TMTC2: variants seen among roughly 807,000 people sequenced by gnomAD.
TMTC2 encodes protein O-mannosyl-transferase TMTC2.
TMTC2 carries 43 observed loss-of-function variants against 82.4 expected under a neutral mutation model. That is an observed-to-expected ratio of 0.52 (90% confidence interval 0.41 to 0.67). The LOEUF (loss-of-function observed/expected upper bound fraction) is 0.67, where lower values mean the gene tolerates loss of function less well. Ranked by LOEUF, TMTC2 falls within the 30% of genes least tolerant of loss-of-function variation. The pLI, the probability that TMTC2 is intolerant of heterozygous loss-of-function variation, is 0.00. For missense variants in TMTC2, 919 were observed against 1,012.4 expected (o/e 0.91, Z 1.25); for synonymous variants, 408 against 381.9 (o/e 1.07, Z -0.80).
At chr12:82,990,031 C>T (rs550770700) in intron 8 of TMTC2, among the ~76,000 whole-genome samples, 47 of 152,154 alleles carry the variant, frequency 3.1e-4, no homozygotes, top group Admixed American at 2.1e-3. Flanking sequence ...GTTTCTTGGC[C>T]TGGTAACAGC....
At chr12:82,691,102 A>G (rs1872555398) in intron 1 of TMTC2, among the ~76,000 whole-genome samples, 1 of 152,196 alleles carries the variant, frequency 6.6e-6, no homozygotes, top group African/African-American at 2.4e-5. Flanking sequence ...TGCCCTTTTT[A>G]TACATCGACA....
At chr12:83,060,741 G>T (rs144045868) in intron 10 of TMTC2, among the ~76,000 whole-genome samples, 317 of 151,810 alleles carry the variant, frequency 2.1e-3, no homozygotes, top group African/African-American at 7.2e-3. Context: ...GAAGCAGCAC[G>T]ATATGATCAA....
At chr12:82,859,397 A>G (rs1592580893) in intron 2 of TMTC2, among the ~76,000 whole-genome samples, 1 of 152,238 alleles carries the variant, frequency 6.6e-6, no homozygotes, top group Non-Finnish European at 1.5e-5. Flanking sequence ...CCATCTTACC[A>G]TCTCATAAGT....
intron 3 of TMTC2, among the ~76,000 whole-genome samples, chr12:82,913,193 T>C (rs1314189920): frequency 6.6e-6 from 1 of 152,160 alleles, no homozygotes; most frequent in Non-Finnish European, 1.5e-5. Context: ...GCCATTACAC[T>C]TTAGCACAAT....
chr12:83,127,507 ACGCTTTT>A, intron 11 of TMTC2, among the ~76,000 whole-genome samples: 1 of 151,822 alleles, frequency 6.6e-6, no homozygotes, highest in Admixed American at 6.6e-5. Context: ...TCTCAACCAA[ACGCTTTT>A]CTCTTTTGTT....
rs1314122363 is a variant in TMTC2 at position 82,857,421 on chromosome 12, A to C, written c.495A>C (p.Ser165=). 5 of 1,614,110 alleles carry C rather than the reference A, an allele frequency of 3.1e-6. No individual in the cohort carries two copies. The South Asian group carries it at 5.5e-5, about 18-fold the overall frequency. ...YIKHCSTRGY[S]ARTWGWFLGS... ...AACACTGTTCTACAAGAGGCTACTC[A>C]GCCAGAACCTGGGGCTGGTTCCTGG... The change falls in exon 2 of 12, where the codon TCA becomes TCC. Residue 165 remains serine (S), a synonymous_variant. Coordinates refer to ENST00000321196, the MANE Select transcript of TMTC2 (RefSeq NM_152588.3).
intron 8 of TMTC2, among the ~76,000 whole-genome samples, chr12:82,992,065 G>A (rs527456190): frequency 9.9e-5 from 15 of 152,240 alleles, no homozygotes; most frequent in East Asian, 7.7e-4. Context: ...TTTTGGCTAC[G>A]GCATGAGAGC....
At chr12:83,051,041 C>A in intron 10 of TMTC2, 23 bp downstream of exon 10, 1 of 1,565,730 alleles carries the variant, frequency 6.4e-7, no homozygotes, top group Admixed American at 1.8e-5. Context: ...GCTGCTGTGC[C>A]TCAAAGCCTA....
At chr12:83,005,471 A>G (rs1039884921) in intron 8 of TMTC2, among the ~76,000 whole-genome samples, 3 of 151,908 alleles carry the variant, frequency 2.0e-5, no homozygotes, top group African/African-American at 7.3e-5. Flanking sequence ...CATATACGTT[A>G]TTGGACCTTA....
At chr12:82,747,269 T>A (rs930961701) in intron 1 of TMTC2, among the ~76,000 whole-genome samples, 2 of 152,220 alleles carry the variant, frequency 1.3e-5, no homozygotes, top group African/African-American at 4.8e-5. Context: ...TTAGATAATA[T>A]TAACAGGATT....
At chr12:82,733,633 C>T (rs1293818587) in intron 1 of TMTC2, among the ~76,000 whole-genome samples, 1 of 151,474 alleles carries the variant, frequency 6.6e-6, no homozygotes, top group African/African-American at 2.4e-5. Context: ...TGGAAAGTTT[C>T]AGAGATTATG....
At chr12:83,097,937 C>T (rs892283822) in intron 11 of TMTC2, among the ~76,000 whole-genome samples, 2 of 152,168 alleles carry the variant, frequency 1.3e-5, no homozygotes, top group Non-Finnish European at 2.9e-5. Context: ...GAGAGATTGG[C>T]AGTGGTAGAT....
intron 7 of TMTC2, among the ~76,000 whole-genome samples, chr12:82,970,505 T>C (rs1878406071): frequency 6.8e-6 from 1 of 147,762 alleles, no homozygotes; most frequent in African/African-American, 2.6e-5. Context: ...CTAATTTTTT[T>C]TGTATTTTTA....
chr12:82,850,542 G>A (rs908956993), intron 1 of TMTC2, among the ~76,000 whole-genome samples: 2 of 152,166 alleles, frequency 1.3e-5, no homozygotes, highest in South Asian at 2.1e-4. Context: ...AAGGTCAGGC[G>A]ATGGGACCAG....
chr12:83,125,784 C>G (rs750251530), intron 11 of TMTC2, among the ~76,000 whole-genome samples: 4 of 152,116 alleles, frequency 2.6e-5, no homozygotes, highest in Non-Finnish European at 4.4e-5. Context: ...ATTTTTGCAA[C>G]TTTCAATTCA....
intron 11 of TMTC2, among the ~76,000 whole-genome samples, chr12:83,102,059 T>G (rs1884236997): frequency 6.6e-6 from 1 of 152,216 alleles, no homozygotes; most frequent in South Asian, 2.1e-4. Flanking sequence ...GTGACTAGTT[T>G]AGAGATTGGC....
In TMTC2 at chr12:82,946,273, A is replaced by G. The variant is rs34458856; in HGVS notation, c.1598+15728A>G. 2.9e-3 allele frequency among the ~76,000 whole-genome samples: 441 copies of G among 152,322 alleles called. 3 individuals are homozygous for G. The highest frequency in any genetic ancestry group is 4.3e-3 in the Non-Finnish European group (294 of 68,020). ...CTTCACCAAAGCATTGTTTTTATAT[A>G]TATTCTTAGTGTCTGCAATAGTGCT... On this transcript the variant is annotated intron_variant, in intron 4 of 11. Coordinates refer to ENST00000321196, the MANE Select transcript of TMTC2 (RefSeq NM_152588.3).
intron 11 of TMTC2, among the ~76,000 whole-genome samples, chr12:83,075,422 A>G (rs1016155227): frequency 6.6e-6 from 1 of 152,150 alleles, no homozygotes; most frequent in African/African-American, 2.4e-5. Flanking sequence ...TGTATATTTT[A>G]TAGTTAGCAA....
chr12:82,917,804 G>A (rs372437993), intron 3 of TMTC2, among the ~76,000 whole-genome samples: 13 of 152,156 alleles, frequency 8.5e-5, no homozygotes, highest in South Asian at 2.1e-4. Flanking sequence ...GGGTTTCACC[G>A]TGTTAGCCAG....
Sources: allele counts gnomAD v4.1 joint callset (sites outside exome capture counted in the v4.1 genomes callset), GRCh38; gene constraint gnomAD v4.1.1; transcripts MANE v1.5; gene names NCBI Gene and HGNC (gene_info 2026-07-23, HGNC 2026-07-21).